Variants in KCNK2 observed in about 807,000 individuals in gnomAD.
KCNK2 encodes the protein potassium two pore domain channel subfamily K member 2.
In KCNK2, 21 loss-of-function variants were observed where a neutral mutation model predicts 40.5. The ratio of observed to expected loss-of-function variants is 0.52; its 90% confidence interval spans 0.37 to 0.75. The LOEUF (loss-of-function observed/expected upper bound fraction) is 0.75, where lower values mean the gene tolerates loss of function less well. KCNK2 is among the 30% of genes least tolerant of loss of function. The pLI, the probability that KCNK2 is intolerant of heterozygous loss-of-function variation, is 0.00. For missense variants in KCNK2, 399 were observed against 531.6 expected (o/e 0.75, Z 2.45); for synonymous variants, 191 against 202.2 (o/e 0.94, Z 0.47).
At chr1:215,103,448 A>G (rs1220921783) in intron 2 of KCNK2, among the ~76,000 whole-genome samples, 1 of 152,006 alleles carries the variant, frequency 6.6e-6, no homozygotes, top group African/African-American at 2.4e-5. Context: ...TGGACATGTT[A>G]TAGCTTACAT....
intron 5 of KCNK2, among the ~76,000 whole-genome samples, chr1:215,174,290 CTAT>C (rs1663854079): frequency 6.6e-6 from 1 of 151,922 alleles, no homozygotes; most frequent in East Asian, 1.9e-4. Flanking sequence ...TAGATGTGTG[CTAT>C]TATTTCTGAG....
At chr1:215,207,450 G>C (rs1185868948) in intron 6 of KCNK2, among the ~76,000 whole-genome samples, 1 of 152,186 alleles carries the variant, frequency 6.6e-6, no homozygotes, top group Non-Finnish European at 1.5e-5. Flanking sequence ...ACCGGCCCCT[G>C]GTGCCAAAAA....
chr1:215,182,622 C>T (rs1322375082), intron 5 of KCNK2, among the ~76,000 whole-genome samples: 2 of 152,120 alleles, frequency 1.3e-5, no homozygotes, highest in Non-Finnish European at 2.9e-5. Flanking sequence ...GAGCACAATT[C>T]CAGCACCTAC....
chr1:215,114,091 A>C (rs2102567083), intron 2 of KCNK2, among the ~76,000 whole-genome samples: 1 of 152,112 alleles, frequency 6.6e-6, no homozygotes, highest in African/African-American at 2.4e-5. Context: ...TGCATGTTTC[A>C]CCAACATAAA....
chr1:215,012,162 T>A (rs774355929), intron 1 of KCNK2, among the ~76,000 whole-genome samples: 20 of 152,178 alleles, frequency 1.3e-4, no homozygotes, highest in Non-Finnish European at 2.9e-4. Flanking sequence ...TTCTTCTAAA[T>A]ACCTAGGAGT....
chr1:215,163,019 A>C (rs1195184798), intron 3 of KCNK2, among the ~76,000 whole-genome samples: 1 of 152,196 alleles, frequency 6.6e-6, no homozygotes, highest in Admixed American at 6.5e-5. Context: ...TACTTTGGGC[A>C]GTATGGCCAT....
chr1:215,229,439 G>C (rs984496350), intron 6 of KCNK2, among the ~76,000 whole-genome samples: 1 of 152,016 alleles, frequency 6.6e-6, no homozygotes, highest in Non-Finnish European at 1.5e-5. Context: ...TAAGGCAGGA[G>C]AATCATTTGA....
chr1:215,007,195 A>ATGTATATGTATATG (rs1558054278), intron 1 of KCNK2, among the ~76,000 whole-genome samples: 2 of 48,876 alleles, frequency 4.1e-5, no homozygotes, highest in African/African-American at 1.7e-4. Flanking sequence ...GTATATATAT[A>ATGTATATGTATATG]TATATATATA....
intron 6 of KCNK2, among the ~76,000 whole-genome samples, chr1:215,228,416 A>C (rs537813737): frequency 6.6e-6 from 1 of 152,304 alleles, no homozygotes; most frequent in Non-Finnish European, 1.5e-5. Context: ...GAGTCGGAGA[A>C]CAAGTGCCTG....
chr1:215,092,571 G>A (rs1470423526), intron 2 of KCNK2, among the ~76,000 whole-genome samples: 1 of 152,146 alleles, frequency 6.6e-6, no homozygotes, highest in Non-Finnish European at 1.5e-5. Flanking sequence ...CAGCTCCAGT[G>A]ATACTTCCTC....
intron 1 of KCNK2, among the ~76,000 whole-genome samples, chr1:215,055,955 T>C (rs1658143708): frequency 6.6e-6 from 1 of 152,156 alleles, no homozygotes; most frequent in Non-Finnish European, 1.5e-5. Flanking sequence ...AAAGTTAGGC[T>C]TTAAAAATTT....
Position 215,019,387 on chromosome 1 carries a change from A to C in KCNK2, c.34+13432A>C, listed in dbSNP as rs1352582123. Among the ~76,000 whole-genome samples, 4 of 152,328 alleles carry C rather than the reference A, an allele frequency of 2.6e-5. No homozygotes were observed. In the East Asian group the frequency reaches 5.8e-4, roughly 22 times the overall value. ...AAAAACCTGTTTGTATGTAAAAAGG[A>C]GTTATTCTCCCCTAGAGAAACACCA... On this transcript the variant is annotated intron_variant, in intron 1 of 6. Transcript: ENST00000391895.
intron 2 of KCNK2, 34 bp from the exon 3 acceptor site, chr1:215,124,599 A>G (rs1463847958): frequency 8.2e-7 from 1 of 1,215,636 alleles, no homozygotes; most frequent in Admixed American, 1.7e-5. Flanking sequence ...TGTGTGATTC[A>G]TGTGTACTGA....
intron 6 of KCNK2, among the ~76,000 whole-genome samples, chr1:215,220,887 G>C (rs1485018474): frequency 6.6e-6 from 1 of 152,080 alleles, no homozygotes; most frequent in Non-Finnish European, 1.5e-5. Flanking sequence ...TTAAGAACTT[G>C]AACAACAAAC....
chr1:215,205,379 A>C (rs1285878574), intron 6 of KCNK2, among the ~76,000 whole-genome samples: 1 of 152,226 alleles, frequency 6.6e-6, no homozygotes, highest in South Asian at 2.1e-4. Flanking sequence ...CTGGGACTAC[A>C]GGCACACACC....
chr1:215,207,942 A>T (rs1665387078), intron 6 of KCNK2, among the ~76,000 whole-genome samples: 1 of 152,242 alleles, frequency 6.6e-6, no homozygotes, highest in Non-Finnish European at 1.5e-5. Context: ...TTGTTTAATC[A>T]TTGTGGAAAG....
At chr1:215,035,464 T>C (rs1373665717) in intron 1 of KCNK2, among the ~76,000 whole-genome samples, 1 of 152,104 alleles carries the variant, frequency 6.6e-6, no homozygotes, top group Non-Finnish European at 1.5e-5. Flanking sequence ...TCTGTTCTCC[T>C]TTCCTATCGT....
chr1:215,221,203 A>T (rs1353405842), intron 6 of KCNK2, among the ~76,000 whole-genome samples: 1 of 152,170 alleles, frequency 6.6e-6, no homozygotes, highest in Non-Finnish European at 1.5e-5. Flanking sequence ...GTGAAACCCC[A>T]TCTCTACTAA....
chr1:215,146,575 T>A (rs1662425987), intron 3 of KCNK2, among the ~76,000 whole-genome samples: 1 of 152,204 alleles, frequency 6.6e-6, no homozygotes, highest in African/African-American at 2.4e-5. Context: ...TTTGTTTTGA[T>A]GCACCTATAT....
Sources: gnomAD v4.1 joint callset for allele counts (sites outside exome capture counted in the v4.1 genomes callset) on GRCh38, gnomAD v4.1.1 for gene constraint, MANE v1.5 for transcripts, NCBI Gene and HGNC (gene_info 2026-07-23, HGNC 2026-07-21) for gene names.